The following ITSN1 variants were observed in gnomAD, a reference collection of about 807,000 sequenced individuals.
ITSN1 encodes the protein intersectin-1.
ITSN1 carries 58 observed loss-of-function variants against 239.8 expected under a neutral mutation model. That is an observed-to-expected ratio of 0.24 (90% CI 0.20 to 0.30). ITSN1 has a LOEUF of 0.30. Ranked by LOEUF, ITSN1 falls within the 10% of genes least tolerant of loss-of-function variation. The pLI is 1.00. For synonymous variants in ITSN1, 780 were observed against 770.8 expected, an observed-to-expected ratio of 1.01 and a Z score of -0.20; for missense variants, 1,558 against 2,103.3, an observed-to-expected ratio of 0.74 and a Z score of 5.07.
At chr21:33,832,551 C>T (rs755399018) in intron 27 of ITSN1, among the ~76,000 whole-genome samples, 2 of 152,138 alleles carry the variant, frequency 1.3e-5, no homozygotes, top group East Asian at 1.9e-4. Context: ...TGACTCTCAG[C>T]GTGGATCCAC....
At chr21:33,843,611 T>A (rs1389223642) in intron 29 of ITSN1, among the ~76,000 whole-genome samples, 1 of 152,210 alleles carries the variant, frequency 6.6e-6, no homozygotes, top group Non-Finnish European at 1.5e-5. Flanking sequence ...TTTACTCCAT[T>A]TCTCTCATCA....
At chr21:33,667,762 C>G (rs1410140377) in intron 1 of ITSN1, among the ~76,000 whole-genome samples, 2 of 152,170 alleles carry the variant, frequency 1.3e-5, no homozygotes, top group African/African-American at 4.8e-5. Flanking sequence ...CTGCACTGTT[C>G]ACAGTATGCG....
chr21:33,821,161 T>C (rs1212708798), intron 24 of ITSN1, among the ~76,000 whole-genome samples: 1 of 152,244 alleles, frequency 6.6e-6, no homozygotes, highest in African/African-American at 2.4e-5. Context: ...AATAGCAGTA[T>C]GGAGGAGTGT....
At chr21:33,799,710 A>G (rs893045095) in intron 18 of ITSN1, 98 bp from the exon 19 acceptor site, 1 of 1,282,464 alleles carries the variant, frequency 7.8e-7, no homozygotes. Flanking sequence ...AGGTTAAGAT[A>G]GGCAATAGAG....
At position 33,894,987 on chromosome 21, in the gene ITSN1, C is replaced by T. The variant is rs939927780; in HGVS notation, c.*6687C>T. Reference sequence around the variant, plus strand: ...CTAGGCATTGCTCTTGTGTAGATCGCAGAAGGAGTTATTGGTGATGTGGGG... The same window carrying T: ...CTAGGCATTGCTCTTGTGTAGATCGTAGAAGGAGTTATTGGTGATGTGGGG... On this transcript the variant is annotated 3_prime_UTR_variant, in exon 40 of 40. Transcript: ENST00000381318. The T allele has an allele frequency of 1.4e-5, 2 of 140,600 alleles. No individual in the cohort carries two copies. The highest frequency in any genetic ancestry group is 5.3e-5 in the African/African-American group (2 of 37,984). The allele number at this position is 140,600 out of a possible 1,614,324, so 8.7% of individuals were successfully genotyped here. A position where few individuals can be genotyped will look rare whatever the true frequency, so the allele number is the denominator to read the frequency against.
intron 22 of ITSN1, among the ~76,000 whole-genome samples, chr21:33,816,234 T>G (rs1198869194): frequency 6.6e-6 from 1 of 151,752 alleles, no homozygotes; most frequent in Non-Finnish European, 1.5e-5. Flanking sequence ...TTAACCTGAG[T>G]CCGTAATAGA....
intron 34 of ITSN1, among the ~76,000 whole-genome samples, chr21:33,879,702 C>T (rs559941400): frequency 4.6e-5 from 7 of 151,982 alleles, no homozygotes; most frequent in African/African-American, 1.2e-4. Flanking sequence ...TTTTTTGAGA[C>T]AGAGTCTCAC....
Position 33,818,263 on chromosome 21 carries a change from C to T in ITSN1, c.2728-4C>T, listed in dbSNP as rs1835909709. ...GAGAGGTCCTTTATGTTATTCCACACAAGGGTGAAAAGGTGGAGGGGCTAC... is the reference window on the plus strand; with the variant it reads ...GAGAGGTCCTTTATGTTATTCCACATAAGGGTGAAAAGGTGGAGGGGCTAC... On this transcript the variant is annotated splice_polypyrimidine_tract_variant and splice_region_variant and intron_variant, in intron 22 of 39. Coordinates refer to ENST00000381318, the MANE Select transcript of ITSN1 (RefSeq NM_003024.3). The T allele has an allele frequency of 1.2e-6, 2 of 1,613,510 alleles. No homozygotes were observed. Among genetic ancestry groups the T allele is most frequent in the Non-Finnish European group, 1.7e-6 (2 of 1,179,466 alleles).
At position 33,774,967 on chromosome 21, in the gene ITSN1, G is replaced by T; in HGVS notation, c.1456-1G>T. 1 of 1,610,418 alleles carries T rather than the reference G, an allele frequency of 6.2e-7. No individual in the cohort carries two copies. The highest frequency in any genetic ancestry group is 8.5e-7 in the Non-Finnish European group (1 of 1,178,416). On this transcript the variant is annotated splice_acceptor_variant, in intron 13 of 39. Coordinates refer to ENST00000381318, the MANE Select transcript of ITSN1 (RefSeq NM_003024.3). LOFTEE classifies it high-confidence loss of function. ...TTTTTATTATCTTTCATTTGTTCAA[G>T]AATGATAAAAAGCATCAACTAGAAG...
At chr21:33,671,352 T>A (rs2090264658) in intron 1 of ITSN1, among the ~76,000 whole-genome samples, 1 of 152,022 alleles carries the variant, frequency 6.6e-6, no homozygotes, top group Non-Finnish European at 1.5e-5. Flanking sequence ...GCAGTGGTGA[T>A]CTTGACTCAC....
intron 29 of ITSN1, among the ~76,000 whole-genome samples, chr21:33,853,348 C>G (rs1242888306): frequency 6.6e-6 from 1 of 152,224 alleles, no homozygotes; most frequent in East Asian, 1.9e-4. Flanking sequence ...AGTGTTTGGA[C>G]CAGAGGCCAA....
At chr21:33,814,919 G>C (rs1257544763) in intron 22 of ITSN1, among the ~76,000 whole-genome samples, 2 of 152,218 alleles carry the variant, frequency 1.3e-5, no homozygotes, top group African/African-American at 4.8e-5. Context: ...CTGCAGAGGA[G>C]AGTGAAGAGG....
chr21:33,790,940 GAGA>G (rs2071078915), intron 16 of ITSN1, among the ~76,000 whole-genome samples: 1 of 152,174 alleles, frequency 6.6e-6, no homozygotes, highest in Admixed American at 6.5e-5. Flanking sequence ...TAATAGTATG[GAGA>G]AGAATGAGAG....
chr21:33,799,801 T>C lies in ITSN1; in HGVS notation c.2183-7T>C. ...TTTTTGTCCCCCCCACCTTTTTTTGTAAACAGAAAAAGGTCCACTTACCAT... is the reference window on the plus strand; with the variant it reads ...TTTTTGTCCCCCCCACCTTTTTTTGCAAACAGAAAAAGGTCCACTTACCAT... On this transcript the variant is annotated splice_polypyrimidine_tract_variant and splice_region_variant and intron_variant, in intron 18 of 39. Coordinates refer to ENST00000381318, the MANE Select transcript of ITSN1 (RefSeq NM_003024.3). The C allele has an allele frequency of 6.2e-7, 1 of 1,612,916 alleles. No homozygotes were observed. Among genetic ancestry groups the C allele is most frequent in the Non-Finnish European group, 8.5e-7 (1 of 1,179,626 alleles).
chr21:33,786,481 A>G (rs2070692278), intron 16 of ITSN1, among the ~76,000 whole-genome samples: 1 of 152,230 alleles, frequency 6.6e-6, no homozygotes, highest in African/African-American at 2.4e-5. Context: ...TTATGATTCA[A>G]ACAAGTGTTA....
chr21:33,729,729 T>G (rs2066050051), intron 4 of ITSN1, among the ~76,000 whole-genome samples: 1 of 152,082 alleles, frequency 6.6e-6, no homozygotes, highest in Admixed American at 6.6e-5. Flanking sequence ...GAATAGTCAG[T>G]TAGGTAATAG....
At chr21:33,852,022 A>G (rs943810248) in intron 29 of ITSN1, among the ~76,000 whole-genome samples, 1 of 152,064 alleles carries the variant, frequency 6.6e-6, no homozygotes, top group East Asian at 1.9e-4. Context: ...TCCTGGGCTC[A>G]GGCAATCCAC....
At chr21:33,860,992 C>T (rs752208425) in intron 31 of ITSN1, among the ~76,000 whole-genome samples, 16 of 152,330 alleles carry the variant, frequency 1.1e-4, no homozygotes, top group East Asian at 7.7e-4. Flanking sequence ...TCTCTATCCC[C>T]GTTCCTCTGA....
chr21:33,812,906 C>T (rs11702205), intron 21 of ITSN1, among the ~76,000 whole-genome samples: 17,340 of 152,170 alleles, frequency 0.11, 1,369 homozygotes, highest in East Asian at 0.41. Context: ...TCTAGGCATA[C>T]TACCAGGTAC....
Sources: gnomAD v4.1 joint callset for allele counts (sites outside exome capture counted in the v4.1 genomes callset) on GRCh38, gnomAD v4.1.1 for gene constraint, MANE v1.5 for transcripts, NCBI Gene and HGNC (gene_info 2026-07-23, HGNC 2026-07-21) for gene names.